ZNF69: variants seen among roughly 807,000 people sequenced by gnomAD.
ZNF69 encodes the protein ZNF3.
In ZNF69, 47 loss-of-function variants were observed where a neutral mutation model predicts 50.9. The ratio of observed to expected loss-of-function variants is 0.92; its 90% CI spans 0.73 to 1.18. The LOEUF is 1.18. Among genes scored for constraint, ZNF69 ranks in the 50% most tolerant of loss-of-function variants. The probability of loss-of-function intolerance (pLI) is 0.00; values close to 1 mark genes in which losing one functional copy is unlikely to be tolerated. For missense variants in ZNF69, 717 were observed against 675.1 expected, an observed-to-expected ratio of 1.06 and a Z score of -0.69; for synonymous variants, 216 against 223.1, an observed-to-expected ratio of 0.97 and a Z score of 0.29.
the ZNF69 span, chr19:11,950,368 C>G: frequency 9.4e-7 from 1 of 1,069,484 alleles, no homozygotes. Context: ...TGAAAGGACT[C>G]ACACTGGGGA....
the ZNF69 span, chr19:11,947,424 A>AT: frequency 6.2e-7 from 1 of 1,600,592 alleles, no homozygotes; most frequent in Non-Finnish European, 8.5e-7. Context: ...TAAATGAGGC[A>AT]TGGCTGCAGT....
the ZNF69 span, chr19:11,949,010 C>G: frequency 5.0e-6 from 8 of 1,605,730 alleles, no homozygotes; most frequent in Admixed American, 7.1e-5. Context: ...AGGACCCACT[C>G]TGGGAAAAAA....
the ZNF69 span, among the ~76,000 whole-genome samples, chr19:11,933,328 ATAT>A: frequency 4.0e-5 from 6 of 148,372 alleles, no homozygotes; most frequent in Non-Finnish European, 8.8e-5. Context: ...ATGCAAGAAT[ATAT>A]TACATGTGAA....
the ZNF69 span, chr19:11,949,762 C>T: frequency 3.7e-5 from 60 of 1,613,916 alleles, no homozygotes; most frequent in East Asian, 2.0e-4. Context: ...CTCACACCTT[C>T]GAATGCATGA....
At chr19:11,892,277 G>A (rs1220510302) in intron 1 of ZNF69, among the ~76,000 whole-genome samples, 1 of 151,970 alleles carries the variant, frequency 6.6e-6, no homozygotes, top group Non-Finnish European at 1.5e-5. Context: ...AGTGCACCTG[G>A]CTAGCAACTT....
chr19:11,961,094 C>T, the ZNF69 span, among the ~76,000 whole-genome samples: 3 of 152,196 alleles, frequency 2.0e-5, no homozygotes, highest in Admixed American at 6.5e-5. Context: ...GCCAGCGCCA[C>T]AGAGGGAGAC....
At chr19:11,896,362 G>T (rs1464712276) in intron 1 of ZNF69, among the ~76,000 whole-genome samples, 1 of 150,962 alleles carries the variant, frequency 6.6e-6, no homozygotes, top group Non-Finnish European at 1.5e-5. Flanking sequence ...TGGGTATATT[G>T]CCTGTCTATC....
At chr19:11,948,284 TAGAAG>T in the ZNF69 span, 1 of 1,612,920 alleles carries the variant, frequency 6.2e-7, no homozygotes, top group Non-Finnish European at 8.5e-7. Flanking sequence ...AGGAGTCTCA[TAGAAG>T]AGAAAGTCAA....
intron 1 of ZNF69, among the ~76,000 whole-genome samples, chr19:11,902,669 G>T (rs149470320): frequency 6.6e-6 from 1 of 150,518 alleles, no homozygotes; most frequent in African/African-American, 2.4e-5. Flanking sequence ...GTCCCTGGGG[G>T]AGTGTGATTT....
At chr19:11,906,798 A>T (rs771893574), downstream of ZNF69, among the ~76,000 whole-genome samples, 24 of 152,264 alleles carry the variant, frequency 1.6e-4, no homozygotes, top group Non-Finnish European at 2.6e-4. Context: ...GCTCCTCGCC[A>T]GCAATGGAAC....
chr19:11,965,293 C>T, the ZNF69 span: 25 of 1,592,728 alleles, frequency 1.6e-5, no homozygotes, highest in Non-Finnish European at 2.0e-5. Flanking sequence ...GGGACCCGGG[C>T]CTCCCTGCGG....
the ZNF69 span, among the ~76,000 whole-genome samples, chr19:11,937,490 C>CTTTTTTT: frequency 1.6e-5 from 2 of 129,012 alleles, 1 homozygote; most frequent in African/African-American, 6.1e-5. Context: ...TTTTTCTTTC[C>CTTTTTTT]TTTTTTTTTT....
the ZNF69 span, among the ~76,000 whole-genome samples, chr19:11,961,326 T>C: frequency 6.6e-6 from 1 of 152,154 alleles, no homozygotes. Context: ...AGGAACAAAA[T>C]TGCTGGCAGC....
the ZNF69 span, among the ~76,000 whole-genome samples, chr19:11,951,753 T>C: frequency 6.6e-6 from 1 of 152,274 alleles, no homozygotes; most frequent in Admixed American, 6.5e-5. Flanking sequence ...ATTTGAAATA[T>C]GTTTTCTTTT....
the ZNF69 span, chr19:11,977,211 T>C: frequency 1.2e-6 from 2 of 1,610,544 alleles, no homozygotes; most frequent in Admixed American, 1.7e-5. Context: ...TGAACCAGTG[T>C]TTCTAGCTCA....
At chr19:11,979,451 AG>A in the ZNF69 span, 4 of 1,606,570 alleles carry the variant, frequency 2.5e-6, no homozygotes, top group Non-Finnish European at 3.4e-6. Context: ...CTCTGGAGAA[AG>A]ACCTTATAAA....
At chr19:11,956,749 G>T in the ZNF69 span, 1 of 381,978 alleles carries the variant, frequency 2.6e-6, no homozygotes, top group East Asian at 3.7e-5. Context: ...TCAGCCATTC[G>T]GGAGGCTGAG....
the ZNF69 span, among the ~76,000 whole-genome samples, chr19:11,963,048 G>A: frequency 7.2e-6 from 1 of 139,516 alleles, no homozygotes; most frequent in South Asian, 2.2e-4. Context: ...CATCCAAGGG[G>A]GTCAGGGTTT....
chr19:11,931,674 C>A, the ZNF69 span, among the ~76,000 whole-genome samples: 2 of 147,834 alleles, frequency 1.4e-5, no homozygotes, highest in Non-Finnish European at 3.0e-5. Context: ...AGAGAGGTTA[C>A]ATCATAGTGA....
Sources: gnomAD v4.1 joint callset for allele counts (sites outside exome capture counted in the v4.1 genomes callset) on GRCh38, gnomAD v4.1.1 for gene constraint, MANE v1.5 for transcripts, NCBI Gene and HGNC (gene_info 2026-07-23, HGNC 2026-07-21) for gene names.